Variants in NOS1 observed in about 807,000 individuals in gnomAD.
NOS1 encodes NOS type I.
A neutral mutation model predicts 164.5 loss-of-function variants in NOS1; 51 were observed. That is an observed-to-expected ratio of 0.31 (90% confidence interval 0.25 to 0.39). The LOEUF (loss-of-function observed/expected upper bound fraction) is 0.39, where lower values mean the gene tolerates loss of function less well. Ranked by LOEUF, NOS1 falls within the 10% of genes least tolerant of loss-of-function variation. The pLI, the probability that NOS1 is intolerant of heterozygous loss-of-function variation, is 1.00. For missense variants in NOS1, 1,362 were observed against 1,885.6 expected (o/e 0.72, Z 5.14); for synonymous variants, 719 against 745.8 (o/e 0.96, Z 0.59).
Position 117,225,005 on chromosome 12 carries a change from C to G in NOS1, c.3826+11G>C. On this transcript the variant is annotated intron_variant, in intron 25 of 28. Transcript: ENST00000317775. ...GGGTGGGAACCAAGTGGCCACTGGA[C>G]TGTAACCCACCTTTGTGTTGGATAT... 6.2e-7 allele frequency: 1 copy of G among 1,614,118 alleles called. No individual in the cohort carries two copies. The highest frequency in any genetic ancestry group is 2.2e-5 in the East Asian group (1 of 44,880).
intron 2 of NOS1, among the ~76,000 whole-genome samples, chr12:117,327,468 C>T (rs1875311218): frequency 6.6e-6 from 1 of 152,222 alleles, no homozygotes; most frequent in Non-Finnish European, 1.5e-5. Flanking sequence ...GCCACCTCCA[C>T]TGGATGTGCT....
At chr12:117,241,627 T>C (rs548856452) in intron 20 of NOS1, among the ~76,000 whole-genome samples, 4 of 152,082 alleles carry the variant, frequency 2.6e-5, no homozygotes, top group Non-Finnish European at 5.9e-5. Context: ...CAGGGATCTA[T>C]GCAAAGACTT....
chr12:117,282,594 G>A (rs187807822), intron 7 of NOS1, among the ~76,000 whole-genome samples: 16 of 152,216 alleles, frequency 1.1e-4, no homozygotes, highest in East Asian at 3.9e-4. Flanking sequence ...ACAAGACAAC[G>A]TAGCATGTAA....
intron 16 of NOS1, chr12:117,255,957 G>A: frequency 7.4e-6 from 11 of 1,492,458 alleles, no homozygotes; most frequent in Non-Finnish European, 8.9e-6. Flanking sequence ...GTCACGGGCT[G>A]CAGCCAGACC....
At chr12:117,232,158 G>C (rs767284814) in intron 21 of NOS1, 27 bp from the exon 22 acceptor site, 4 of 1,610,086 alleles carry the variant, frequency 2.5e-6, no homozygotes, top group Non-Finnish European at 3.4e-6. Flanking sequence ...CAGGTGACAG[G>C]TGGGTGTGGG....
intron 26 of NOS1, among the ~76,000 whole-genome samples, chr12:117,221,327 T>C (rs998615229): frequency 6.6e-6 from 1 of 151,554 alleles, no homozygotes; most frequent in African/African-American, 2.4e-5. Context: ...GCTTTTTTTT[T>C]TAGTAGAGAT....
chr12:117,291,204 CCTCCAT>C, intron 3 of NOS1, among the ~76,000 whole-genome samples: 1 of 151,862 alleles, frequency 6.6e-6, no homozygotes, highest in African/African-American at 2.4e-5. Flanking sequence ...ACAGAAGGAG[CCTCCAT>C]CTCAGAAAAA....
chr12:117,211,561 C>A lies in NOS1; in HGVS notation c.*3748G>T, dbSNP rs565549382. 1.0e-6 allele frequency: 1 copy of A among 985,590 alleles called. No individual in the cohort carries two copies. The allele number at this position is 985,590 out of a possible 1,614,324, so 61.1% of individuals were successfully genotyped here. A position where few individuals can be genotyped will look rare whatever the true frequency, so the allele number is the denominator to read the frequency against. On this transcript the variant is annotated 3_prime_UTR_variant, in exon 29 of 29. Transcript: ENST00000317775. ...TTGTAATGCCACTCACCTCTCCCCA[C>A]GGTCTGGTCCCAGCCCACCTTTTCT...
chr12:117,261,184 A>AAC (rs1439132889), intron 13 of NOS1, among the ~76,000 whole-genome samples: 5 of 63,534 alleles, frequency 7.9e-5, no homozygotes, highest in Non-Finnish European at 1.5e-4. Flanking sequence ...GCCTCAAAAA[A>AAC]AAAAAAAAAA....
chr12:117,351,147 C>T (rs953613301), intron 1 of NOS1, among the ~76,000 whole-genome samples: 8 of 152,164 alleles, frequency 5.3e-5, no homozygotes, highest in South Asian at 4.1e-4. Context: ...AGTCTCTTGC[C>T]CTCTGGCATC....
Position 117,285,386 on chromosome 12 carries a change from C to T in NOS1, c.1291-54G>A, listed in dbSNP as rs950816432. The T allele has an allele frequency of 8.9e-6, 11 of 1,237,030 alleles. No individual in the cohort carries two copies. The African/African-American group carries it at 1.5e-4, about 17-fold the overall frequency. 76.6% of individuals were successfully genotyped at this position (1,237,030 alleles called of 1,614,324 possible). On this transcript the variant is annotated intron_variant, in intron 6 of 28. Transcript: ENST00000317775. ...GCCTCTTCTTTCCCTCCCCAGCTCC[C>T]CCAGCGCAATCTTCCCATTTTAGGA...
chr12:117,352,279 T>TG (rs1876659152), intron 1 of NOS1, among the ~76,000 whole-genome samples: 1 of 152,178 alleles, frequency 6.6e-6, no homozygotes, highest in African/African-American at 2.4e-5. Flanking sequence ...GCAAGAGGCG[T>TG]GGGCCTGGGG....
chr12:117,339,809 T>A (rs943266178), intron 1 of NOS1, among the ~76,000 whole-genome samples: 3 of 152,178 alleles, frequency 2.0e-5, no homozygotes, highest in African/African-American at 7.2e-5. Context: ...AATATAATTA[T>A]AAGTCCATCC....
chr12:117,294,045 G>C (rs1051058177), intron 3 of NOS1, among the ~76,000 whole-genome samples: 1 of 152,094 alleles, frequency 6.6e-6, no homozygotes, highest in African/African-American at 2.4e-5. Flanking sequence ...CTCTGATTGT[G>C]CCCACAACCT....
At chr12:117,331,827 C>G (rs1255347026) in intron 1 of NOS1, among the ~76,000 whole-genome samples, 1 of 152,160 alleles carries the variant, frequency 6.6e-6, no homozygotes, top group Non-Finnish European at 1.5e-5. Context: ...GAGAGGTCAT[C>G]AGTCCAACTT....
At chr12:117,267,573 G>A (rs1414756221) in intron 11 of NOS1, among the ~76,000 whole-genome samples, 2 of 137,920 alleles carry the variant, frequency 1.5e-5, no homozygotes, top group African/African-American at 5.5e-5. Context: ...GGCGACAAGA[G>A]TGAAACTCCA....
chr12:117,227,253 T>C (rs1484964530), intron 23 of NOS1, among the ~76,000 whole-genome samples, 178 bp downstream of exon 23: 4 of 152,186 alleles, frequency 2.6e-5, no homozygotes, highest in African/African-American at 9.6e-5. Context: ...CTGCTCAGGC[T>C]TGGCTCTGCA....
At position 117,247,533 on chromosome 12, in the gene NOS1, G is replaced by A; in HGVS notation, c.2649-11C>T. On this transcript the variant is annotated splice_polypyrimidine_tract_variant and intron_variant, in intron 17 of 28. Transcript: ENST00000317775. ...CCAAAAACTGAGAACCTGTCAAGGA[G>A]ATGACAGAATGTTCATGCTAAGGGA... 1.2e-6 allele frequency: 2 copies of A among 1,604,664 alleles called. No homozygotes were observed. The highest frequency in any genetic ancestry group is 1.1e-5 in the South Asian group (1 of 89,494).
At chr12:117,336,948 C>T (rs1228059855) in intron 1 of NOS1, among the ~76,000 whole-genome samples, 1 of 151,304 alleles carries the variant, frequency 6.6e-6, no homozygotes. Flanking sequence ...AGACACACGC[C>T]ACCATGCCCA....
Sources: gnomAD v4.1 joint callset for allele counts (sites outside exome capture counted in the v4.1 genomes callset) on GRCh38, gnomAD v4.1.1 for gene constraint, MANE v1.5 for transcripts, NCBI Gene and HGNC (gene_info 2026-07-23, HGNC 2026-07-21) for gene names.